NSUN6: variants seen among roughly 807,000 people sequenced by gnomAD.
NSUN6 encodes tRNA (cytosine(72)-C(5))-methyltransferase NSUN6.
A neutral mutation model predicts 58.0 loss-of-function variants in NSUN6; 64 were observed. The ratio of observed to expected loss-of-function variants is 1.10; its 90% CI spans 0.90 to 1.36. The LOEUF is 1.36. Ranked by LOEUF, NSUN6 falls within the 40% of genes most tolerant of loss-of-function variation. NSUN6 has a pLI of 0.00. For missense variants in NSUN6, 701 were observed against 550.1 expected, an observed-to-expected ratio of 1.27 and a Z score of -2.74; for synonymous variants, 231 against 193.9, an observed-to-expected ratio of 1.19 and a Z score of -1.59.
intron 6 of NSUN6, among the ~76,000 whole-genome samples, chr10:18,598,559 C>T (rs557765059): frequency 5.3e-5 from 8 of 152,032 alleles, no homozygotes; most frequent in Admixed American, 1.3e-4. Flanking sequence ...GAAGCCTCAA[C>T]CACCTGGGCT....
chr10:18,658,919 G>A (rs2059807468), upstream of NSUN6, among the ~76,000 whole-genome samples: 8 of 152,176 alleles, frequency 5.3e-5, no homozygotes, highest in Admixed American at 5.2e-4. Context: ...AATGAATGAA[G>A]AAGAATCACG....
At chr10:18,553,706 A>G (rs1473296378) in intron 8 of NSUN6, among the ~76,000 whole-genome samples, 2 of 151,608 alleles carry the variant, frequency 1.3e-5, no homozygotes, top group African/African-American at 4.8e-5. Flanking sequence ...AATGGAATGG[A>G]AATGTAACAA....
chr10:18,610,089 G>A (rs1564797158), intron 5 of NSUN6, among the ~76,000 whole-genome samples, 163 bp from the exon 6 acceptor site: 1 of 152,098 alleles, frequency 6.6e-6, no homozygotes, highest in Admixed American at 6.6e-5. Context: ...GGAGGCAGAG[G>A]TGGGAGGATC....
chr10:18,556,038 A>C (rs2054991379), intron 8 of NSUN6, among the ~76,000 whole-genome samples: 1 of 151,488 alleles, frequency 6.6e-6, no homozygotes, highest in Non-Finnish European at 1.5e-5. Flanking sequence ...GGAATGGAGA[A>C]TGGTGTGGAA....
At chr10:18,617,446 C>T (rs1387652799) in intron 3 of NSUN6, among the ~76,000 whole-genome samples, 7 of 152,104 alleles carry the variant, frequency 4.6e-5, no homozygotes, top group Non-Finnish European at 1.0e-4. Flanking sequence ...CCTCAGCCTC[C>T]CAAAGTACTG....
intron 6 of NSUN6, among the ~76,000 whole-genome samples, chr10:18,597,767 A>AAAAT (rs914348435): frequency 1.7e-4 from 26 of 152,246 alleles, no homozygotes; most frequent in African/African-American, 3.4e-4. Flanking sequence ...ACTCCATCTA[A>AAAAT]AAATAAATAA....
At chr10:18,567,040 T>TA (rs777435935) in intron 8 of NSUN6, among the ~76,000 whole-genome samples, 3 of 150,814 alleles carry the variant, frequency 2.0e-5, no homozygotes, top group Non-Finnish European at 4.5e-5. Context: ...TTCCATTCCA[T>TA]ATTCTATTCC....
At chr10:18,636,057 T>C (rs922251949) in intron 3 of NSUN6, among the ~76,000 whole-genome samples, 1 of 151,572 alleles carries the variant, frequency 6.6e-6, no homozygotes, top group African/African-American at 2.4e-5. Flanking sequence ...ATAAAAACAA[T>C]GTCTACAAAA....
At chr10:18,613,327 C>T (rs1424352050) in intron 5 of NSUN6, among the ~76,000 whole-genome samples, 4 of 152,132 alleles carry the variant, frequency 2.6e-5, no homozygotes, top group African/African-American at 7.2e-5. Flanking sequence ...GAACTCCTGA[C>T]CTCAAGTGAT....
At chr10:18,657,732 G>T (rs1417936594), upstream of NSUN6, among the ~76,000 whole-genome samples, 1 of 152,018 alleles carries the variant, frequency 6.6e-6, no homozygotes, top group African/African-American at 2.4e-5. Context: ...TCCTGCCTCA[G>T]CCTCCTGAGT....
intron 3 of NSUN6, among the ~76,000 whole-genome samples, chr10:18,625,284 T>C (rs1420492926): frequency 1.3e-5 from 2 of 152,148 alleles, no homozygotes; most frequent in Non-Finnish European, 2.9e-5. Flanking sequence ...GCAGGTAATA[T>C]CTGTGCCAGA....
At chr10:18,593,646 G>A (rs2057462868) in intron 7 of NSUN6, among the ~76,000 whole-genome samples, 1 of 152,096 alleles carries the variant, frequency 6.6e-6, no homozygotes, top group Admixed American at 6.6e-5. Context: ...TCATAAGTGG[G>A]AGTTGAACAA....
At chr10:18,638,708 G>C (rs1323455944) in intron 3 of NSUN6, among the ~76,000 whole-genome samples, 3 of 152,076 alleles carry the variant, frequency 2.0e-5, no homozygotes, top group African/African-American at 4.8e-5. Flanking sequence ...CAGCCAACTT[G>C]TTGTATAAAC....
At chr10:18,553,666 G>A (rs12765362) in intron 8 of NSUN6, among the ~76,000 whole-genome samples, 1 of 150,794 alleles carries the variant, frequency 6.6e-6, no homozygotes, top group African/African-American at 2.4e-5. Flanking sequence ...GAATGGAATG[G>A]AATGTAGTGG....
At chr10:18,626,865 T>C (rs1277625909) in intron 3 of NSUN6, among the ~76,000 whole-genome samples, 2 of 152,216 alleles carry the variant, frequency 1.3e-5, no homozygotes, top group Non-Finnish European at 2.9e-5. Flanking sequence ...TTGAATTACA[T>C]ATTCAATTGT....
intron 8 of NSUN6, among the ~76,000 whole-genome samples, chr10:18,572,831 C>T (rs952878808): frequency 2.7e-5 from 4 of 150,682 alleles, no homozygotes; most frequent in Non-Finnish European, 5.9e-5. Context: ...CCATTCCATT[C>T]TCCATTCCAT....
intron 8 of NSUN6, among the ~76,000 whole-genome samples, chr10:18,581,149 G>A (rs193024775): frequency 5.6e-4 from 85 of 152,152 alleles, no homozygotes; most frequent in African/African-American, 1.5e-3. Context: ...GGAGGGGAGC[G>A]TGCACAGTGT....
chr10:18,557,068 G>A (rs750946347), intron 8 of NSUN6, among the ~76,000 whole-genome samples: 15 of 151,706 alleles, frequency 9.9e-5, no homozygotes, highest in Non-Finnish European at 1.3e-4. Context: ...AAATGGAATG[G>A]AATGCAGCAT....
At chr10:18,628,911 A>G (rs2058926715) in intron 3 of NSUN6, among the ~76,000 whole-genome samples, 1 of 152,164 alleles carries the variant, frequency 6.6e-6, no homozygotes, top group African/African-American at 2.4e-5. Flanking sequence ...GAACGCCACA[A>G]AGATACTCCT....
Sources: gnomAD v4.1 joint callset for allele counts (sites outside exome capture counted in the v4.1 genomes callset) on GRCh38, gnomAD v4.1.1 for gene constraint, MANE v1.5 for transcripts, NCBI Gene and HGNC (gene_info 2026-07-23, HGNC 2026-07-21) for gene names.